The following PCDHA5 variants were observed in gnomAD, a reference collection of about 807,000 sequenced individuals.
PCDHA5 encodes the protein protocadherin alpha-5.
A neutral mutation model predicts 61.6 loss-of-function variants in PCDHA5; 43 were observed. The ratio of observed to expected loss-of-function variants is 0.70; its 90% CI spans 0.55 to 0.90. The LOEUF is 0.90. Ranked by LOEUF, PCDHA5 falls within the 40% of genes least tolerant of loss-of-function variation. The pLI is 0.00. For missense variants in PCDHA5, 1,298 were observed against 1,222.7 expected (o/e 1.06, Z -0.92); for synonymous variants, 627 against 543.9 (o/e 1.15, Z -2.13).
At chr5:140,828,724 C>A (rs2150158258) in intron 1 of PCDHA5, 6 of 1,614,204 alleles carry the variant, frequency 3.7e-6, no homozygotes, top group Non-Finnish European at 5.1e-6. Flanking sequence ...ACAACTTATT[C>A]CTGACAGCCA....
chr5:140,887,838 T>C (rs1434293324), intron 1 of PCDHA5, among the ~76,000 whole-genome samples: 1 of 152,210 alleles, frequency 6.6e-6, no homozygotes. Context: ...TGAATATCTT[T>C]TATTGACATA....
chr5:140,976,743 C>A (rs782329745), intron 1 of PCDHA5, among the ~76,000 whole-genome samples: 16 of 152,116 alleles, frequency 1.1e-4, no homozygotes, highest in Non-Finnish European at 1.5e-4. Context: ...ATTTTAAAAA[C>A]CTCCCAGATG....
Position 140,963,857 on chromosome 5 carries a change from G to A in PCDHA5, c.2353-15092G>A, listed in dbSNP as rs181224305. The stretch of plus-strand genomic sequence containing the variant: ...TTCTCATGTAATCATAATAATAACC[G>A]TATGAGTTTTGCTTACTATTGTTTT... On this transcript the variant is annotated intron_variant, in intron 1 of 3. Transcript: ENST00000529859. Among the ~76,000 whole-genome samples the A allele has an allele frequency of 5.3e-5, 8 of 152,252 alleles. 1 individual carries two copies. The East Asian group carries it at 7.7e-4, about 15-fold the overall frequency.
intron 1 of PCDHA5, chr5:140,836,210 T>A: frequency 6.2e-7 from 1 of 1,613,772 alleles, no homozygotes. Context: ...GGCTTTCGTA[T>A]GAGTTGCAAC....
chr5:140,956,522 C>T (rs1043265748), intron 1 of PCDHA5, among the ~76,000 whole-genome samples: 14 of 152,116 alleles, frequency 9.2e-5, no homozygotes, highest in Non-Finnish European at 1.9e-4. Flanking sequence ...GGTGAATAAG[C>T]TTTTTGATGT....
At chr5:140,949,231 C>G (rs971361200) in intron 1 of PCDHA5, among the ~76,000 whole-genome samples, 11 of 151,628 alleles carry the variant, frequency 7.3e-5, no homozygotes, top group African/African-American at 2.4e-4. Flanking sequence ...TGTTCTGTGG[C>G]CCAGCAACAG....
At position 140,823,585 on chromosome 5, in the gene PCDHA5, G is replaced by T; in HGVS notation, c.1810G>T (p.Ala604Ser). 6.2e-7 allele frequency: 1 copy of T among 1,614,018 alleles called. No individual in the cohort carries two copies. Among genetic ancestry groups the T allele is most frequent in the Non-Finnish European group, 8.5e-7 (1 of 1,179,936 alleles). Residue 604 changes from alanine to serine, a missense_variant, in exon 1 of 4, where the codon GCT becomes TCT. Physicochemically the swap from Ala to Ser is moderately conservative, Grantham distance 99. Coordinates refer to ENST00000529859, the MANE Select transcript of PCDHA5 (RefSeq NM_018908.3). The part of the protein sequence containing the change: ...RAVDPDSGYN[A>S]WLSYELQPAP... ...AGTGGACCCTGATTCGGGCTACAACGCTTGGCTTTCGTATGAGCTGCAGCC... is the reference window on the plus strand; with the variant it reads ...AGTGGACCCTGATTCGGGCTACAACTCTTGGCTTTCGTATGAGCTGCAGCC...
rs367948106 is a variant in PCDHA5 at position 140,876,049 on chromosome 5, G to A, written c.2352+51922G>A. On this transcript the variant is annotated intron_variant, in intron 1 of 3. Coordinates refer to ENST00000529859, the MANE Select transcript of PCDHA5 (RefSeq NM_018908.3). Reference sequence around the variant, plus strand: ...AAAAAAAGATAAAAGTATATTGCCTGAATTAGTTCTTCGGAAGTTATTGGA... The same window carrying A: ...AAAAAAAGATAAAAGTATATTGCCTAAATTAGTTCTTCGGAAGTTATTGGA... The A allele has an allele frequency of 3.6e-4, 586 of 1,613,784 alleles. No individual in the cohort carries two copies. The highest frequency in any genetic ancestry group is 4.9e-4 in the Non-Finnish European group (575 of 1,179,896).
chr5:140,851,003 GA>G (rs2041919886), intron 1 of PCDHA5: 1 of 1,437,650 alleles, frequency 7.0e-7, no homozygotes. Flanking sequence ...AAATCCAGCA[GA>G]TTTTTTTTCT....
At chr5:140,862,493 C>T (rs1554156460) in intron 1 of PCDHA5, 4 of 388,658 alleles carry the variant, frequency 1.0e-5, no homozygotes, top group Admixed American at 3.4e-5. Context: ...GGTAATCGCT[C>T]GGAATGGGGA....
At chr5:140,836,844 T>C (rs2150270736) in intron 1 of PCDHA5, 26 of 827,138 alleles carry the variant, frequency 3.1e-5, no homozygotes, top group African/African-American at 6.9e-5. Flanking sequence ...GCTTTATGTA[T>C]AATTATTATT....
At chr5:140,941,214 C>CTTCCTTTCTTTCTTT (rs1554214039) in intron 1 of PCDHA5, among the ~76,000 whole-genome samples, 1 of 122,414 alleles carries the variant, frequency 8.2e-6, no homozygotes, top group Non-Finnish European at 1.7e-5. Context: ...TTTCTTTCTT[C>CTTCCTTTCTTTCTTT]CTTTCTTTCT....
intron 1 of PCDHA5, chr5:140,866,746 G>A (rs1264233885): frequency 6.6e-6 from 1 of 152,118 alleles, no homozygotes; most frequent in Admixed American, 6.5e-5. Flanking sequence ...ATACTTATAT[G>A]ACTAACAGGA....
At chr5:140,945,527 C>A (rs1268496424) in intron 1 of PCDHA5, among the ~76,000 whole-genome samples, 2 of 151,828 alleles carry the variant, frequency 1.3e-5, no homozygotes, top group African/African-American at 4.8e-5. Context: ...ATAAATAAAA[C>A]AAAACATACA....
intron 1 of PCDHA5, among the ~76,000 whole-genome samples, chr5:140,915,616 GTC>G (rs1166585947): frequency 7.5e-6 from 1 of 134,000 alleles, no homozygotes. Context: ...CTGTCAAACA[GTC>G]TCTTTCTGTC....
intron 1 of PCDHA5, chr5:140,850,690 G>A: frequency 6.3e-7 from 1 of 1,598,402 alleles, no homozygotes; most frequent in Non-Finnish European, 8.6e-7. Context: ...GAGGGCGAGT[G>A]CGCGCCTGGC....
intron 1 of PCDHA5, among the ~76,000 whole-genome samples, chr5:140,970,553 C>T (rs1349644785): frequency 5.9e-5 from 9 of 152,122 alleles, no homozygotes; most frequent in South Asian, 2.1e-4. Flanking sequence ...GTTGTGTGTT[C>T]GTCTCCATAT....
At chr5:140,883,675 G>T (rs782140381) in intron 1 of PCDHA5, 5 of 1,613,894 alleles carry the variant, frequency 3.1e-6, no homozygotes, top group Non-Finnish European at 4.2e-6. Context: ...AAAACAATCC[G>T]CCGGGCTGCC....
intron 1 of PCDHA5, chr5:140,881,332 C>G (rs923599590): frequency 1.0e-6 from 1 of 984,540 alleles, no homozygotes; most frequent in East Asian, 1.1e-4. Context: ...TTAACCAGGA[C>G]GCCGATTCGG....
Sources: allele counts gnomAD v4.1 joint callset (sites outside exome capture counted in the v4.1 genomes callset), GRCh38; gene constraint gnomAD v4.1.1; transcripts MANE v1.5; gene names NCBI Gene and HGNC (gene_info 2026-07-23, HGNC 2026-07-21).